Variants in TAF6L observed in about 807,000 individuals in gnomAD.
The protein encoded by TAF6L is TAF6-like RNA polymerase II p300/CBP-associated factor-associated factor 65 kDa subunit 6L.
Under a neutral mutation model 57.3 loss-of-function variants are expected in TAF6L, and 34 were observed. The ratio of observed to expected loss-of-function variants is 0.59; its 90% CI spans 0.45 to 0.79. The LOEUF (loss-of-function observed/expected upper bound fraction) is 0.79, where lower values mean the gene tolerates loss of function less well. Among genes scored for constraint, TAF6L ranks in the 30% least tolerant of loss-of-function variants. TAF6L has a pLI of 0.00. For missense variants in TAF6L, 782 were observed against 853.2 expected (o/e 0.92, Z 1.04); for synonymous variants, 417 against 376.3 (o/e 1.11, Z -1.25).
chr11:62,779,545 C>T (rs181799098), intron 6 of TAF6L, among the ~76,000 whole-genome samples: 30 of 152,114 alleles, frequency 2.0e-4, no homozygotes, highest in Middle Eastern at 3.4e-3. Flanking sequence ...AGACTGGTCT[C>T]GAACTCCCGA....
chr11:62,771,933 G>A (rs933446354), intron 1 of TAF6L: 2 of 356,948 alleles, frequency 5.6e-6, no homozygotes, highest in Non-Finnish European at 1.1e-5. Flanking sequence ...GGTCACCAAG[G>A]GGTGGGTCTC....
chr11:62,784,028 G>A (rs1183041572), intron 9 of TAF6L, among the ~76,000 whole-genome samples: 3 of 932 alleles, frequency 3.2e-3, no homozygotes, highest in African/African-American at 6.6e-3. Context: ...TCACACTGTC[G>A]CCCGGGCTGG....
chr11:62,775,781 G>T lies in TAF6L; in HGVS notation c.-3G>T. The T allele has an allele frequency of 6.2e-7, 1 of 1,605,972 alleles. No individual in the cohort carries two copies. ...ATTCTCCACTCCCAGCTCCACTGGG[G>T]CCATGTCAGAGCGAGAAGAGCGGCG... On this transcript the variant is annotated 5_prime_UTR_variant, in exon 2 of 11. Transcript: ENST00000294168.
intron 3 of TAF6L, 76 bp downstream of exon 3, chr11:62,776,546 G>A: frequency 6.8e-7 from 1 of 1,474,908 alleles, no homozygotes; most frequent in Non-Finnish European, 9.4e-7. Flanking sequence ...CTGGCGATGT[G>A]GTGAGACATT....
rs1445594761 is a variant in TAF6L at position 62,787,057 on chromosome 11, C to T, written c.1630C>T (p.Arg544Cys). 2.6e-6 allele frequency: 4 copies of T among 1,524,934 alleles called. No individual in the cohort carries two copies. The South Asian group carries it at 3.6e-5, about 14-fold the overall frequency. 94.5% of individuals were successfully genotyped at this position (1,524,934 alleles called of 1,614,324 possible). The change falls in exon 11 of 11, where the codon CGC becomes TGC. Residue 544 changes from arginine (R) to cysteine (C), a missense_variant. Around this residue, in one of 3 missense-constraint regions of TAF6L, gnomAD observed 483 missense variants for 445.1 expected, o/e 1.09. Transcript: ENST00000294168. Reference protein sequence around the residue: ...PRQQGPGTGTRDVFQKSRFAP... With the variant: ...PRQQGPGTGTCDVFQKSRFAP... ...GCAGCAGGGCCCCGGGACCGGCACC[C>T]GCGACGTTTTCCAGAAGAGCCGTTT...
At chr11:62,784,976 T>G (rs2084259517) in intron 9 of TAF6L, among the ~76,000 whole-genome samples, 1 of 152,078 alleles carries the variant, frequency 6.6e-6, no homozygotes, top group Non-Finnish European at 1.5e-5. Flanking sequence ...TTTTTTATAT[T>G]TACTTTAATA....
intron 1 of TAF6L, among the ~76,000 whole-genome samples, chr11:62,774,196 C>T (rs1295914464): frequency 6.6e-6 from 1 of 152,032 alleles, no homozygotes; most frequent in Non-Finnish European, 1.5e-5. Context: ...CCTGCCTCAG[C>T]CTCCCGAGTA....
Position 62,787,022 on chromosome 11 carries a change from G to A in TAF6L, c.1595G>A (p.Gly532Glu), listed in dbSNP as rs1211951352. The A allele has an allele frequency of 6.7e-7, 1 of 1,498,734 alleles. No individual in the cohort carries two copies. The highest frequency in any genetic ancestry group is 8.8e-7 in the Non-Finnish European group (1 of 1,132,490). 92.8% of individuals were successfully genotyped at this position (1,498,734 alleles called of 1,614,324 possible). ...TTGCCGCGCGTGCATCGGGCGCGCG[G>A]GGCACCCCGGCAGCAGGGCCCCGGG... ...RPLPRVHRARGAPRQQGPGTG... is the reference protein window; with the variant it reads ...RPLPRVHRAREAPRQQGPGTG... The change falls in exon 11 of 11, where the codon GGG becomes GAG. Residue 532 changes from glycine (G) to glutamate (E), a missense_variant. Physicochemically the swap from Gly to Glu is moderately conservative, Grantham distance 98. Transcript: ENST00000294168.
At chr11:62,782,503 A>G in intron 8 of TAF6L, 170 bp downstream of exon 8, 1 of 1,051,752 alleles carries the variant, frequency 9.5e-7, no homozygotes, top group Non-Finnish European at 1.4e-6. Context: ...CTGAAAATGG[A>G]TTACAAATAC....
intron 1 of TAF6L, among the ~76,000 whole-genome samples, chr11:62,773,707 G>A (rs555761472): frequency 2.0e-5 from 3 of 151,954 alleles, no homozygotes; most frequent in East Asian, 1.9e-4. Flanking sequence ...CTTGGCCTCC[G>A]AAAGTGCTGG....
intron 9 of TAF6L, among the ~76,000 whole-genome samples, chr11:62,785,511 C>T (rs937235262): frequency 6.9e-6 from 1 of 145,328 alleles, no homozygotes; most frequent in Non-Finnish European, 1.5e-5. Context: ...CTTATAGGCC[C>T]AGCTGGTATT....
chr11:62,783,506 G>A (rs2084246221), intron 9 of TAF6L, among the ~76,000 whole-genome samples: 1 of 149,900 alleles, frequency 6.7e-6, no homozygotes, highest in African/African-American at 2.4e-5. Flanking sequence ...GTTAGGTGTT[G>A]CCACTGTGAT....
intron 1 of TAF6L, chr11:62,775,522 A>T: frequency 2.4e-6 from 1 of 415,268 alleles, no homozygotes; most frequent in Non-Finnish European, 4.3e-6. Flanking sequence ...ATAGAAGGTG[A>T]CAGGGCAGGA....
intron 1 of TAF6L, chr11:62,775,548 G>T (rs2084179955): frequency 1.8e-5 from 9 of 495,880 alleles, no homozygotes; most frequent in Non-Finnish European, 2.9e-5. Flanking sequence ...ACCTAGTTCT[G>T]TGAACCCCAA....
chr11:62,777,918 G>C, intron 3 of TAF6L, 60 bp from the exon 4 acceptor site: 1 of 1,586,206 alleles, frequency 6.3e-7, no homozygotes, highest in Non-Finnish European at 8.6e-7. Context: ...CCTCATCCTG[G>C]ATCCTGACGC....
intron 9 of TAF6L, among the ~76,000 whole-genome samples, chr11:62,785,062 C>G (rs2134724106): frequency 6.6e-6 from 1 of 152,154 alleles, no homozygotes; most frequent in South Asian, 2.1e-4. Context: ...AGGCTGGTCT[C>G]AAACTCCTTG....
At chr11:62,775,649 G>C (rs2084180608) in intron 1 of TAF6L, 122 bp from the exon 2 acceptor site, 2 of 1,100,070 alleles carry the variant, frequency 1.8e-6, no homozygotes, top group Non-Finnish European at 2.6e-6. Flanking sequence ...TGGGTACTCA[G>C]AGCTCCTTGT....
chr11:62,778,704 GT>G (rs2084204928), intron 5 of TAF6L, 164 bp from the exon 6 acceptor site: 1 of 657,064 alleles, frequency 1.5e-6, no homozygotes, highest in South Asian at 1.8e-5. Context: ...AGCCTAGATG[GT>G]CAGGGCTGAG....
Position 62,778,862 on chromosome 11 carries a change from C to T in TAF6L, c.437-7C>T, listed in dbSNP as rs975338296. 6.2e-7 allele frequency: 1 copy of T among 1,613,642 alleles called. No individual in the cohort carries two copies. Among genetic ancestry groups the T allele is most frequent in the Non-Finnish European group, 8.5e-7 (1 of 1,179,846 alleles). ...CCTGTCCCTGCTTCCTGCCTGTCCT[C>T]TGGCAGTGCCCAGTGCTGTGTCTTC... On this transcript the variant is annotated splice_region_variant and splice_polypyrimidine_tract_variant and intron_variant, in intron 5 of 10. Coordinates refer to ENST00000294168, the MANE Select transcript of TAF6L (RefSeq NM_006473.4).
Sources: gnomAD v4.1 joint callset for allele counts (sites outside exome capture counted in the v4.1 genomes callset) on GRCh38, gnomAD v4.1.1 for gene constraint, gnomAD v4.1.1 regional missense constraint, MANE v1.5 for transcripts, NCBI Gene and HGNC (gene_info 2026-07-23, HGNC 2026-07-21) for gene names.